The following MALRD1 variants were observed in gnomAD, a reference collection of about 807,000 sequenced individuals.
The protein encoded by MALRD1 is MAM and LDL receptor class A domain containing 1, also known as MAM and LDL-receptor class A domain-containing protein 1.
MALRD1 carries 247 observed loss-of-function variants against 242.1 expected under a neutral mutation model. The ratio of observed to expected loss-of-function variants is 1.02; its 90% CI spans 0.92 to 1.13. MALRD1 has a LOEUF of 1.13. Ranked by LOEUF, MALRD1 falls within the 50% of genes most tolerant of loss-of-function variation. MALRD1 has a pLI of 0.00. For synonymous variants in MALRD1, 995 were observed against 866.6 expected (o/e 1.15, Z -2.60); for missense variants, 2,989 against 2,533.1 (o/e 1.18, Z -3.86).
chr10:19,325,524 G>A (rs1351850895), intron 22 of MALRD1, among the ~76,000 whole-genome samples: 2 of 151,742 alleles, frequency 1.3e-5, no homozygotes, highest in African/African-American at 4.8e-5. Context: ...CCCTGGTGGA[G>A]AATAATGCAT....
chr10:19,380,189 C>T (rs1247684595), intron 26 of MALRD1, among the ~76,000 whole-genome samples: 8 of 150,690 alleles, frequency 5.3e-5, no homozygotes, highest in African/African-American at 1.9e-4. Flanking sequence ...TGGCCAGGCT[C>T]GTCTCGAACA....
chr10:19,068,799 A>G (rs1835056344), intron 2 of MALRD1, among the ~76,000 whole-genome samples: 1 of 152,148 alleles, frequency 6.6e-6, no homozygotes, highest in East Asian at 1.9e-4. Flanking sequence ...TACTCTTGAA[A>G]TGATTTGCCA....
chr10:19,429,336 G>A (rs888422141), intron 28 of MALRD1, among the ~76,000 whole-genome samples: 33 of 152,114 alleles, frequency 2.2e-4, no homozygotes, highest in African/African-American at 7.0e-4. Flanking sequence ...TCAGGAGGCC[G>A]AGACAGGTGG....
chr10:19,455,588 T>G (rs1835604910), intron 29 of MALRD1, among the ~76,000 whole-genome samples: 1 of 152,198 alleles, frequency 6.6e-6, no homozygotes, highest in South Asian at 2.1e-4. Context: ...AATTATTAAC[T>G]CTATACAAGG....
intron 28 of MALRD1, among the ~76,000 whole-genome samples, chr10:19,441,592 T>C (rs954749530): frequency 6.6e-6 from 1 of 152,106 alleles, no homozygotes; most frequent in African/African-American, 2.4e-5. Context: ...ATTTATTAAA[T>C]AGGGAATCCT....
chr10:19,050,183 G>A (rs1205245962), intron 1 of MALRD1, among the ~76,000 whole-genome samples: 1 of 146,266 alleles, frequency 6.8e-6, no homozygotes, highest in Non-Finnish European at 1.5e-5. Flanking sequence ...CGCCTCCCGG[G>A]TTCACGCCAT....
intron 5 of MALRD1, among the ~76,000 whole-genome samples, chr10:19,121,342 C>G (rs1194775487): frequency 6.6e-6 from 1 of 151,994 alleles, no homozygotes. Context: ...GCCCAGCCTA[C>G]TTGTACACTT....
intron 24 of MALRD1, among the ~76,000 whole-genome samples, chr10:19,339,930 G>A (rs1352877029): frequency 6.6e-6 from 1 of 152,108 alleles, no homozygotes; most frequent in Non-Finnish European, 1.5e-5. Flanking sequence ...TGTAGAGGAA[G>A]CAAGGAATGT....
intron 25 of MALRD1, among the ~76,000 whole-genome samples, chr10:19,348,307 G>T (rs1588948863): frequency 1.3e-5 from 2 of 152,174 alleles, no homozygotes; most frequent in South Asian, 2.1e-4. Context: ...TAATACAGAA[G>T]AAGTAAGATA....
rs1837190542 is a variant in MALRD1, at chr10:19,124,687, T to A, written c.943+17T>A. ...ATGATGAAGGTAGAAAAAAAAATAATATCTTTTATGTATTACTTTCAGAAT... is the reference window on the plus strand; with the variant it reads ...ATGATGAAGGTAGAAAAAAAAATAAAATCTTTTATGTATTACTTTCAGAAT... On this transcript the variant is annotated intron_variant, in intron 7 of 39. Transcript: ENST00000454679. 1 of 1,232,960 alleles carries A rather than the reference T, an allele frequency of 8.1e-7. No homozygotes were observed. Among genetic ancestry groups the A allele is most frequent in the Non-Finnish European group, 1.0e-6 (1 of 987,800 alleles). 76.4% of individuals were successfully genotyped at this position (1,232,960 alleles called of 1,614,324 possible). A position where few individuals can be genotyped will look rare whatever the true frequency, so the allele number is the denominator to read the frequency against.
At position 19,425,591 on chromosome 10, in the gene MALRD1, A is replaced by T. The variant is rs115012788; in HGVS notation, c.4846-24716A>T. ...GATGTAACTGTTCTCGATGGGCTGC[A>T]GAGAACTGCAAGGGCAGAGCGAAGT... On this transcript the variant is annotated intron_variant, in intron 28 of 39. Coordinates refer to ENST00000454679, the MANE Select transcript of MALRD1 (RefSeq NM_001142308.3). Among the ~76,000 whole-genome samples the T allele has an allele frequency of 1.0e-2, 1,518 of 152,272 alleles. 18 individuals are homozygous for T. Among genetic ancestry groups the T allele is most frequent in the African/African-American group, 0.034 (1,420 of 41,542 alleles).
intron 29 of MALRD1, among the ~76,000 whole-genome samples, chr10:19,471,608 C>T (rs1836500048): frequency 1.1e-5 from 1 of 94,992 alleles, no homozygotes; most frequent in African/African-American, 4.2e-5. Context: ...CTATTTTTCT[C>T]AGGATTTTTT....
At position 19,221,608 on chromosome 10, in the gene MALRD1, G is replaced by A. The variant is rs143450379; in HGVS notation, c.2991+11928G>A. ...AAGAACCCATGACTAGAGAAGGGAAGAAGAAAGGGTCAAGCAGACCTCATT... is the reference window on the plus strand; with the variant it reads ...AAGAACCCATGACTAGAGAAGGGAAAAAGAAAGGGTCAAGCAGACCTCATT... On this transcript the variant is annotated intron_variant, in intron 18 of 39. Transcript: ENST00000454679. 3.3e-5 allele frequency among the ~76,000 whole-genome samples: 5 copies of A among 152,232 alleles called. 1 individual carries two copies. The East Asian group carries it at 9.6e-4, about 29-fold the overall frequency.
At chr10:19,555,510 G>A (rs1243214573) in intron 32 of MALRD1, among the ~76,000 whole-genome samples, 7 of 152,098 alleles carry the variant, frequency 4.6e-5, no homozygotes, top group African/African-American at 1.7e-4. Context: ...AACAGAAAAA[G>A]TCATGTGAAG....
chr10:19,499,463 C>G (rs946556946), intron 31 of MALRD1, among the ~76,000 whole-genome samples: 4 of 144,762 alleles, frequency 2.8e-5, no homozygotes, highest in African/African-American at 1.0e-4. Context: ...AAAAAAAAAA[C>G]CAGCCTATGC....
intron 18 of MALRD1, among the ~76,000 whole-genome samples, chr10:19,237,109 C>A (rs1365454927): frequency 6.6e-6 from 1 of 151,762 alleles, no homozygotes; most frequent in Non-Finnish European, 1.5e-5. Context: ...TATTAATTAC[C>A]TCATGCATTT....
At chr10:19,431,245 T>C (rs1205133696) in intron 28 of MALRD1, among the ~76,000 whole-genome samples, 2 of 152,250 alleles carry the variant, frequency 1.3e-5, no homozygotes, top group Middle Eastern at 3.2e-3. Flanking sequence ...TCTTCTGTTA[T>C]AGACTTAATT....
In MALRD1 at chr10:19,607,764, T is replaced by C. The variant is rs886154605; in HGVS notation, c.5945-13T>C. The C allele has an allele frequency of 2.0e-6, 3 of 1,524,044 alleles. No homozygotes were observed. In the African/African-American group the frequency reaches 4.2e-5, roughly 21 times the overall value. The allele number at this position is 1,524,044 out of a possible 1,614,324, so 94.4% of individuals were successfully genotyped here. A position where few individuals can be genotyped will look rare whatever the true frequency, so the allele number is the denominator to read the frequency against. ...TGCTGGCATCCCTGATCATTATTCTTTTTTTTTTGCAGCCAACAAAAGCTG... is the reference window on the plus strand; with the variant it reads ...TGCTGGCATCCCTGATCATTATTCTCTTTTTTTTGCAGCCAACAAAAGCTG... On this transcript the variant is annotated splice_polypyrimidine_tract_variant and intron_variant, in intron 34 of 39. Transcript: ENST00000454679.
intron 33 of MALRD1, among the ~76,000 whole-genome samples, chr10:19,577,214 A>G (rs1209686154): frequency 6.6e-6 from 1 of 152,178 alleles, no homozygotes; most frequent in Admixed American, 6.6e-5. Context: ...ATAAAAGCCG[A>G]AAGGAAATGA....
Sources: gnomAD v4.1 joint callset for allele counts (sites outside exome capture counted in the v4.1 genomes callset) on GRCh38, gnomAD v4.1.1 for gene constraint, MANE v1.5 for transcripts, NCBI Gene and HGNC (gene_info 2026-07-23, HGNC 2026-07-21) for gene names.